Variants in LINGO2 observed in about 807,000 individuals in gnomAD.
The protein encoded by LINGO2 is leucine rich repeat and Ig domain containing 2, also known as leucine-rich repeat and immunoglobulin-like domain-containing nogo receptor-interacting protein 2.
A neutral mutation model predicts 30.6 loss-of-function variants in LINGO2; 14 were observed. That is an observed-to-expected ratio of 0.46 (90% CI 0.30 to 0.72). The LOEUF (loss-of-function observed/expected upper bound fraction) is 0.72, where lower values mean the gene tolerates loss of function less well. LINGO2 is among the 30% of genes least tolerant of loss of function. The pLI, the probability that LINGO2 is intolerant of heterozygous loss-of-function variation, is 0.07. For synonymous variants in LINGO2, 317 were observed against 288.5 expected (o/e 1.10, Z -1.00); for missense variants, 729 against 751.7 (o/e 0.97, Z 0.35).
the LINGO2 span, among the ~76,000 whole-genome samples, chr9:28,899,002 G>A: frequency 6.6e-6 from 1 of 152,164 alleles, no homozygotes; most frequent in Non-Finnish European, 1.5e-5. Flanking sequence ...AATAGGTGGA[G>A]TAGGACCTCC....
chr9:28,380,027 C>G (rs867881471), intron 2 of LINGO2, among the ~76,000 whole-genome samples: 2 of 152,142 alleles, frequency 1.3e-5, no homozygotes, highest in Middle Eastern at 6.8e-3. Context: ...CATCTTACTT[C>G]TTTTTATTTA....
the LINGO2 span, among the ~76,000 whole-genome samples, chr9:28,965,073 TAA>T: frequency 6.6e-6 from 1 of 151,924 alleles, no homozygotes. Context: ...CTTTTGGAGC[TAA>T]GTTGGCATTT....
At chr9:28,255,300 A>T (rs1822346149) in intron 4 of LINGO2, among the ~76,000 whole-genome samples, 1 of 152,030 alleles carries the variant, frequency 6.6e-6, no homozygotes, top group African/African-American at 2.4e-5. Flanking sequence ...GTATTATAGT[A>T]GTCCCCACTC....
At chr9:28,138,485 G>A (rs760243776) in intron 4 of LINGO2, among the ~76,000 whole-genome samples, 1 of 151,924 alleles carries the variant, frequency 6.6e-6, no homozygotes, top group African/African-American at 2.4e-5. Flanking sequence ...TCTTTTTTTT[G>A]TGAGGCCACT....
the LINGO2 span, among the ~76,000 whole-genome samples, chr9:29,060,014 A>G: frequency 6.6e-6 from 1 of 152,112 alleles, no homozygotes; most frequent in African/African-American, 2.4e-5. Flanking sequence ...TTCAACTTCT[A>G]GAAAACTGAA....
rs1401322808 is a variant in LINGO2 at position 28,141,442 on chromosome 9, T to TA, written c.-86-129038dup. Among the ~76,000 whole-genome samples, 3 of 152,114 alleles carry TA rather than the reference T, an allele frequency of 2.0e-5. No homozygotes were observed. In the East Asian group the frequency reaches 5.8e-4, roughly 29 times the overall value. On this transcript the variant is annotated intron_variant, in intron 4 of 5. Coordinates refer to ENST00000379992, the Ensembl canonical transcript of LINGO2. ...TCAGCAATGCTTGGGAAGCCTCACA[T>TA]AAAAAAGAAATGTTTACCTAAAACC...
chr9:28,569,283 T>C (rs1439865791), intron 1 of LINGO2, among the ~76,000 whole-genome samples: 1 of 151,818 alleles, frequency 6.6e-6, no homozygotes, highest in African/African-American at 2.4e-5. Flanking sequence ...ATCCCACTTC[T>C]GGGTATACAG....
At chr9:28,843,018 G>C in the LINGO2 span, among the ~76,000 whole-genome samples, 4 of 151,692 alleles carry the variant, frequency 2.6e-5, no homozygotes, top group Non-Finnish European at 5.9e-5. Flanking sequence ...TTTTTTAAAG[G>C]AACATGATAA....
the LINGO2 span, among the ~76,000 whole-genome samples, chr9:29,157,921 TACAG>T: frequency 1.4e-4 from 21 of 152,294 alleles, no homozygotes; most frequent in African/African-American, 4.8e-4. Context: ...CTTTAAAACA[TACAG>T]AATGTGTATA....
chr9:28,368,721 C>A (rs963386737), intron 3 of LINGO2, among the ~76,000 whole-genome samples: 3 of 151,742 alleles, frequency 2.0e-5, no homozygotes, highest in African/African-American at 7.3e-5. Flanking sequence ...CTCAGCCTCG[C>A]GAGTAGCTGG....
the LINGO2 span, among the ~76,000 whole-genome samples, chr9:29,055,949 C>CACATATATATATATACACATAT: frequency 8.1e-6 from 1 of 123,140 alleles, no homozygotes; most frequent in Non-Finnish European, 1.7e-5. Flanking sequence ...TGTATATATA[C>CACATATATATATATACACATAT]ATATATATGT....
chr9:28,163,844 G>A (rs1202449582), intron 4 of LINGO2, among the ~76,000 whole-genome samples: 1 of 152,082 alleles, frequency 6.6e-6, no homozygotes, highest in Non-Finnish European at 1.5e-5. Flanking sequence ...CTTAGTTAAA[G>A]CTCTAATAAC....
At chr9:28,735,249 G>T in the LINGO2 span, among the ~76,000 whole-genome samples, 69 of 152,180 alleles carry the variant, frequency 4.5e-4, 1 homozygote, top group East Asian at 0.012. Flanking sequence ...CACCTCATTG[G>T]CACACTTCTC....
chr9:28,849,495 T>C, the LINGO2 span, among the ~76,000 whole-genome samples: 2 of 152,044 alleles, frequency 1.3e-5, no homozygotes, highest in African/African-American at 4.8e-5. Flanking sequence ...GACTAAAAAC[T>C]TTGCTGTAAT....
At chr9:28,386,953 C>T (rs1015038538) in intron 2 of LINGO2, among the ~76,000 whole-genome samples, 42 of 152,032 alleles carry the variant, frequency 2.8e-4, no homozygotes, top group Non-Finnish European at 4.9e-4. Flanking sequence ...ACACTGTTAG[C>T]GATAAATAAT....
intron 5 of LINGO2, among the ~76,000 whole-genome samples, chr9:27,955,994 C>T (rs1819547695): frequency 7.4e-6 from 1 of 135,480 alleles, no homozygotes; most frequent in African/African-American, 2.7e-5. Flanking sequence ...GGCTGGAGTG[C>T]AATGGCATGA....
the LINGO2 span, among the ~76,000 whole-genome samples, chr9:28,797,605 A>T: frequency 6.6e-6 from 1 of 151,908 alleles, no homozygotes; most frequent in Admixed American, 6.6e-5. Context: ...TAACATATAA[A>T]ATGCTGTGAG....
At chr9:28,678,153 A>C in the LINGO2 span, among the ~76,000 whole-genome samples, 2 of 151,392 alleles carry the variant, frequency 1.3e-5, no homozygotes, top group Non-Finnish European at 2.9e-5. Flanking sequence ...TAAAAAAAAA[A>C]AAAAAACTTT....
the LINGO2 span, among the ~76,000 whole-genome samples, chr9:28,718,372 C>G: frequency 6.6e-6 from 1 of 152,018 alleles, no homozygotes; most frequent in African/African-American, 2.4e-5. Context: ...GCCCTCTAAT[C>G]ATGAAATATA....
Sources: allele counts gnomAD v4.1 joint callset (sites outside exome capture counted in the v4.1 genomes callset), GRCh38; gene constraint gnomAD v4.1.1; transcripts MANE v1.5; gene names NCBI Gene and HGNC (gene_info 2026-07-23, HGNC 2026-07-21).